The following SYT1 variants were observed in gnomAD, a reference collection of about 807,000 sequenced individuals.
The protein encoded by SYT1 is synaptotagmin-1.
A neutral mutation model predicts 44.8 loss-of-function variants in SYT1; 8 were observed. The ratio of observed to expected loss-of-function variants is 0.18; its 90% CI spans 0.10 to 0.32. The LOEUF is 0.32. Among genes scored for constraint, SYT1 ranks in the 10% least tolerant of loss-of-function variants. The pLI, the probability that SYT1 is intolerant of heterozygous loss-of-function variation, is 1.00. For missense variants in SYT1, 286 were observed against 509.3 expected, an observed-to-expected ratio of 0.56 and a Z score of 4.22; for synonymous variants, 154 against 188.8, an observed-to-expected ratio of 0.82 and a Z score of 1.51.
chr12:79,045,048 T>A (rs1307284401), intron 2 of SYT1, among the ~76,000 whole-genome samples: 1 of 152,078 alleles, frequency 6.6e-6, no homozygotes. Context: ...GACATTTAAG[T>A]CTGCAGAGGT....
intron 9 of SYT1, among the ~76,000 whole-genome samples, chr12:79,390,859 C>T (rs1418704414): frequency 2.0e-5 from 3 of 152,156 alleles, no homozygotes; most frequent in African/African-American, 7.2e-5. Context: ...CTAAATCTCT[C>T]TCAAATTGCT....
intron 2 of SYT1, among the ~76,000 whole-genome samples, chr12:79,041,184 G>A (rs978305118): frequency 2.6e-5 from 4 of 151,326 alleles, no homozygotes; most frequent in African/African-American, 9.7e-5. Context: ...GCTTGATGGG[G>A]ATGGCATTGA....
At chr12:79,052,669 A>G (rs1215908686) in intron 3 of SYT1, among the ~76,000 whole-genome samples, 2 of 89,496 alleles carry the variant, frequency 2.2e-5, no homozygotes, top group Non-Finnish European at 6.9e-5. Context: ...AGAAAAAAAC[A>G]AACAACCCCA....
intron 4 of SYT1, among the ~76,000 whole-genome samples, chr12:79,255,637 C>T (rs1437442565): frequency 6.6e-6 from 1 of 152,172 alleles, no homozygotes; most frequent in Non-Finnish European, 1.5e-5. Context: ...CAATTCAGCA[C>T]TCTCTTAGCA....
At chr12:79,431,508 A>ACTT (rs375708593) in intron 9 of SYT1, among the ~76,000 whole-genome samples, 1 of 141,722 alleles carries the variant, frequency 7.1e-6, no homozygotes, top group Non-Finnish European at 1.5e-5. Context: ...ATTTTATTTT[A>ACTT]TTTTATTATT....
In SYT1 at chr12:79,120,432, AT is replaced by A. The variant is rs542456610; in HGVS notation, c.-18+73071del. ...AAATCAAAGTTAAAATTTAAAAAAA[AT>A]ATATAAAAATGCAAAATTTGAGAGG... On this transcript the variant is annotated intron_variant, in intron 3 of 10. Coordinates refer to ENST00000261205, the MANE Select transcript of SYT1 (RefSeq NM_005639.3). Among the ~76,000 whole-genome samples the A allele has an allele frequency of 4.3e-4, 66 of 152,192 alleles. No individual in the cohort carries two copies. In the Middle Eastern group the frequency reaches 0.014, roughly 31 times the overall value.
chr12:78,964,096 C>T (rs1182991292), intron 1 of SYT1: 1 of 152,154 alleles, frequency 6.6e-6, no homozygotes, highest in African/African-American at 2.4e-5. Context: ...ATCCAGGCCC[C>T]ACCCAACTAA....
intron 3 of SYT1, among the ~76,000 whole-genome samples, chr12:79,049,692 G>A (rs1264756064): frequency 6.6e-6 from 1 of 151,960 alleles, no homozygotes; most frequent in Admixed American, 6.6e-5. Flanking sequence ...TTTATCTATA[G>A]ATTGTGCATG....
chr12:79,326,227 G>A (rs1216464996), intron 8 of SYT1, among the ~76,000 whole-genome samples: 1 of 152,160 alleles, frequency 6.6e-6, no homozygotes, highest in Non-Finnish European at 1.5e-5. Flanking sequence ...GTTGTAGTTA[G>A]GCTATTCACT....
At chr12:79,087,968 A>G (rs548568988) in intron 3 of SYT1, among the ~76,000 whole-genome samples, 29 of 152,154 alleles carry the variant, frequency 1.9e-4, no homozygotes, top group African/African-American at 6.7e-4. Context: ...CTTAGGGTAC[A>G]CTCAGTGACT....
intron 2 of SYT1, among the ~76,000 whole-genome samples, chr12:79,000,246 G>A (rs1168748754): frequency 6.8e-6 from 1 of 147,610 alleles, no homozygotes; most frequent in African/African-American, 2.5e-5. Context: ...TTTAACATAA[G>A]TGGTATTTAA....
chr12:78,998,347 T>G (rs942814909), intron 2 of SYT1, among the ~76,000 whole-genome samples: 1 of 152,170 alleles, frequency 6.6e-6, no homozygotes, highest in African/African-American at 2.4e-5. Context: ...CATTGGAAGA[T>G]AACCCTAAAT....
intron 9 of SYT1, among the ~76,000 whole-genome samples, chr12:79,404,375 A>T (rs1443857673): frequency 6.6e-6 from 1 of 152,154 alleles, no homozygotes; most frequent in African/African-American, 2.4e-5. Flanking sequence ...ATGTCCCAAA[A>T]CACCTTCCAC....
At chr12:79,191,607 T>G (rs1873128357) in intron 3 of SYT1, among the ~76,000 whole-genome samples, 1 of 152,184 alleles carries the variant, frequency 6.6e-6, no homozygotes, top group African/African-American at 2.4e-5. Flanking sequence ...TATGTGGGTT[T>G]CATTATGCCA....
intron 1 of SYT1, among the ~76,000 whole-genome samples, chr12:78,889,067 A>AT (rs900013081): frequency 2.7e-4 from 40 of 149,648 alleles, no homozygotes; most frequent in Non-Finnish European, 3.0e-4. Context: ...CTCCTGGTTA[A>AT]TTTTTTTTTT....
At chr12:79,190,492 G>T (rs1248611114) in intron 3 of SYT1, among the ~76,000 whole-genome samples, 4 of 152,118 alleles carry the variant, frequency 2.6e-5, no homozygotes, top group Non-Finnish European at 5.9e-5. Flanking sequence ...TGACCCCATT[G>T]CTTTCCATAG....
chr12:79,025,179 C>A (rs982009617), intron 2 of SYT1, among the ~76,000 whole-genome samples: 6 of 151,744 alleles, frequency 4.0e-5, no homozygotes. Context: ...TGACGTGATA[C>A]ATGTATTAAA....
chr12:79,207,266 C>T (rs1565855323), intron 3 of SYT1, among the ~76,000 whole-genome samples: 1 of 152,210 alleles, frequency 6.6e-6, no homozygotes, highest in East Asian at 1.9e-4. Flanking sequence ...TCGATGGGCA[C>T]ACACTGGATT....
At chr12:79,296,577 C>T (rs1879885116) in intron 7 of SYT1, among the ~76,000 whole-genome samples, 1 of 152,124 alleles carries the variant, frequency 6.6e-6, no homozygotes, top group Non-Finnish European at 1.5e-5. Flanking sequence ...AAAATAAGTA[C>T]ATCTGTTACA....
Sources: allele counts gnomAD v4.1 joint callset (sites outside exome capture counted in the v4.1 genomes callset), GRCh38; gene constraint gnomAD v4.1.1; transcripts MANE v1.5; gene names NCBI Gene and HGNC (gene_info 2026-07-23, HGNC 2026-07-21).